TMEM132D: variants seen among roughly 807,000 people sequenced by gnomAD.
The protein encoded by TMEM132D is transmembrane protein 132D, also known as mature OL transmembrane protein.
A neutral mutation model predicts 62.3 loss-of-function variants in TMEM132D; 21 were observed. The observed-to-expected ratio is 0.34, with a 90% CI of 0.24 to 0.49. TMEM132D has a LOEUF of 0.49. TMEM132D is among the 20% of genes least tolerant of loss of function. TMEM132D has a pLI of 0.99. For missense variants in TMEM132D, 1,346 were observed against 1,402.8 expected, an observed-to-expected ratio of 0.96 and a Z score of 0.65; for synonymous variants, 621 against 575.6, an observed-to-expected ratio of 1.08 and a Z score of -1.13.
chr12:129,464,559 T>A (rs1229974491), intron 3 of TMEM132D, among the ~76,000 whole-genome samples: 1 of 152,240 alleles, frequency 6.6e-6, no homozygotes, highest in Non-Finnish European at 1.5e-5. Context: ...GCCTATGTCC[T>A]GAATAGTAAT....
chr12:129,778,868 T>C (rs896158292), intron 1 of TMEM132D, among the ~76,000 whole-genome samples: 9 of 152,196 alleles, frequency 5.9e-5, no homozygotes, highest in African/African-American at 2.2e-4. Flanking sequence ...ATCATCATTA[T>C]ATAGCTGCTT....
At chr12:129,186,927 T>C (rs1334286170) in intron 5 of TMEM132D, among the ~76,000 whole-genome samples, 1 of 152,250 alleles carries the variant, frequency 6.6e-6, no homozygotes, top group Non-Finnish European at 1.5e-5. Flanking sequence ...TTTTTGCATA[T>C]TATAAAAATA....
At chr12:129,508,677 T>C (rs986495191) in intron 3 of TMEM132D, among the ~76,000 whole-genome samples, 1 of 152,118 alleles carries the variant, frequency 6.6e-6, no homozygotes, top group African/African-American at 2.4e-5. Context: ...AAAGGAGCTA[T>C]TGCATATATC....
chr12:129,432,364 T>C (rs956913886), intron 3 of TMEM132D, among the ~76,000 whole-genome samples: 7 of 152,016 alleles, frequency 4.6e-5, no homozygotes, highest in Non-Finnish European at 1.0e-4. Context: ...GATGGATGGG[T>C]GGATGGATTT....
At chr12:129,093,385 C>T (rs1182827097) in intron 5 of TMEM132D, among the ~76,000 whole-genome samples, 1 of 151,954 alleles carries the variant, frequency 6.6e-6, no homozygotes, top group Non-Finnish European at 1.5e-5. Flanking sequence ...TCTTATACAC[C>T]AATAACAGAC....
chr12:129,254,179 G>T (rs1880342388), intron 4 of TMEM132D, among the ~76,000 whole-genome samples: 1 of 152,102 alleles, frequency 6.6e-6, no homozygotes, highest in African/African-American at 2.4e-5. Flanking sequence ...AAAATTGAAA[G>T]AATACATCGG....
intron 3 of TMEM132D, among the ~76,000 whole-genome samples, chr12:129,470,687 G>A (rs1016970268): frequency 1.3e-5 from 2 of 152,176 alleles, no homozygotes; most frequent in Non-Finnish European, 2.9e-5. Context: ...ACATGAAATT[G>A]ACAACATGAA....
chr12:129,196,778 C>A (rs1175334871), intron 5 of TMEM132D, among the ~76,000 whole-genome samples: 1 of 152,118 alleles, frequency 6.6e-6, no homozygotes, highest in Non-Finnish European at 1.5e-5. Context: ...GTGATCTAAA[C>A]AATTCATTAT....
intron 5 of TMEM132D, among the ~76,000 whole-genome samples, chr12:129,171,798 C>T (rs1044416750): frequency 2.0e-5 from 3 of 152,170 alleles, no homozygotes; most frequent in African/African-American, 4.8e-5. Context: ...AACCATGCTA[C>T]AAACAGATAC....
intron 5 of TMEM132D, among the ~76,000 whole-genome samples, chr12:129,136,390 C>A (rs1876557880): frequency 1.3e-5 from 2 of 152,210 alleles, no homozygotes; most frequent in African/African-American, 4.8e-5. Flanking sequence ...TCTTTCCCTA[C>A]CTTTCTTGAC....
intron 1 of TMEM132D, among the ~76,000 whole-genome samples, chr12:129,735,657 G>A (rs931226307): frequency 2.5e-4 from 38 of 152,092 alleles, no homozygotes; most frequent in Middle Eastern, 3.4e-3. Context: ...AAGGTAAAAA[G>A]CCATAGAAAA....
intron 2 of TMEM132D, among the ~76,000 whole-genome samples, chr12:129,607,748 T>C (rs1428548179): frequency 6.6e-6 from 1 of 152,188 alleles, no homozygotes; most frequent in Admixed American, 6.5e-5. Context: ...TGAAGACGTA[T>C]TTTTAAATGC....
In TMEM132D at chr12:129,646,746, T is replaced by C. The variant is rs532696675; in HGVS notation, c.968+53064A>G. Reference sequence around the variant, plus strand: ...GTGCAAATGTGTGTATATGTATATATATATAAACATGCATTCACGCACAAA... The same window carrying C: ...GTGCAAATGTGTGTATATGTATATACATATAAACATGCATTCACGCACAAA... On this transcript the variant is annotated intron_variant, in intron 2 of 8. Coordinates refer to ENST00000422113, the MANE Select transcript of TMEM132D (RefSeq NM_133448.3). 2.6e-5 allele frequency among the ~76,000 whole-genome samples: 4 copies of C among 152,118 alleles called. No individual in the cohort carries two copies. In the South Asian group the frequency reaches 6.2e-4, roughly 24 times the overall value.
chr12:129,801,728 T>G (rs956567487), intron 1 of TMEM132D, among the ~76,000 whole-genome samples: 9 of 150,468 alleles, frequency 6.0e-5, no homozygotes, highest in African/African-American at 2.2e-4. Context: ...CTTCAGACGA[T>G]CAAATTACTC....
chr12:129,593,123 G>A (rs1336595046), intron 2 of TMEM132D, among the ~76,000 whole-genome samples: 2 of 131,320 alleles, frequency 1.5e-5, no homozygotes, highest in African/African-American at 5.8e-5. Context: ...ATCACTCTGG[G>A]GAAAAAAAAG....
intron 1 of TMEM132D, among the ~76,000 whole-genome samples, chr12:129,731,601 C>T (rs566357103): frequency 2.6e-5 from 4 of 152,002 alleles, no homozygotes; most frequent in Non-Finnish European, 4.4e-5. Flanking sequence ...GAATGCAACA[C>T]GTTACTGAAG....
chr12:129,677,845 T>C (rs890285401), intron 2 of TMEM132D, among the ~76,000 whole-genome samples: 2 of 143,682 alleles, frequency 1.4e-5, no homozygotes, highest in African/African-American at 5.1e-5. Context: ...TTTTTTTTTT[T>C]TCTATAGTTT....
intron 5 of TMEM132D, among the ~76,000 whole-genome samples, chr12:129,130,147 A>C (rs1429794775): frequency 6.6e-6 from 1 of 151,548 alleles, no homozygotes; most frequent in African/African-American, 2.4e-5. Flanking sequence ...ACCCCTCTCT[A>C]GGAAGGGAGG....
chr12:129,108,874 G>T (rs1452448956), intron 5 of TMEM132D, among the ~76,000 whole-genome samples: 1 of 152,188 alleles, frequency 6.6e-6, no homozygotes, highest in African/African-American at 2.4e-5. Flanking sequence ...GTGACATTCT[G>T]CTGTGTTTGC....
Sources: gnomAD v4.1 joint callset for allele counts (sites outside exome capture counted in the v4.1 genomes callset) on GRCh38, gnomAD v4.1.1 for gene constraint, MANE v1.5 for transcripts, NCBI Gene and HGNC (gene_info 2026-07-23, HGNC 2026-07-21) for gene names.